ITFG1: variants seen among roughly 807,000 people sequenced by gnomAD.
ITFG1 encodes the protein T-cell immunomodulatory protein.
ITFG1 carries 34 observed loss-of-function variants against 81.8 expected under a neutral mutation model. The observed-to-expected ratio is 0.42, with a 90% CI of 0.32 to 0.55. ITFG1 has a LOEUF of 0.55. Among genes scored for constraint, ITFG1 ranks in the 20% least tolerant of loss-of-function variants. The pLI is 0.17. For missense variants in ITFG1, 672 were observed against 755.4 expected (o/e 0.89, Z 1.29); for synonymous variants, 285 against 270.6 (o/e 1.05, Z -0.52).
chr16:47,284,241 T>C (rs1403917916), intron 10 of ITFG1, among the ~76,000 whole-genome samples: 1 of 152,174 alleles, frequency 6.6e-6, no homozygotes, highest in African/African-American at 2.4e-5. Flanking sequence ...ATATGTGTAT[T>C]TACCTCCACA....
chr16:47,251,594 C>T (rs1450458728), intron 12 of ITFG1, among the ~76,000 whole-genome samples: 1 of 152,166 alleles, frequency 6.6e-6, no homozygotes, highest in Non-Finnish European at 1.5e-5. Context: ...TGCACAGGAA[C>T]AGGAGGGAAT....
chr16:47,193,775 T>A (rs576007655), intron 14 of ITFG1, among the ~76,000 whole-genome samples: 88 of 152,332 alleles, frequency 5.8e-4, no homozygotes, highest in Middle Eastern at 3.4e-3. Flanking sequence ...TGAATATACA[T>A]AATTAAGTTA....
At chr16:47,388,157 A>C (rs1968486017) in intron 6 of ITFG1, among the ~76,000 whole-genome samples, 1 of 152,148 alleles carries the variant, frequency 6.6e-6, no homozygotes, top group South Asian at 2.1e-4. Context: ...AACAGAGAGA[A>C]AAAAAGGATA....
At chr16:47,261,443 C>T (rs1169469760) in intron 10 of ITFG1, among the ~76,000 whole-genome samples, 1 of 152,156 alleles carries the variant, frequency 6.6e-6, no homozygotes, top group African/African-American at 2.4e-5. Flanking sequence ...CCAGTTAGTA[C>T]TCAATGAAAG....
At chr16:47,422,895 A>G (rs1159028636) in intron 6 of ITFG1, among the ~76,000 whole-genome samples, 1 of 152,234 alleles carries the variant, frequency 6.6e-6, no homozygotes, top group Non-Finnish European at 1.5e-5. Flanking sequence ...AAGAATGTAT[A>G]TTCTGTTGAT....
intron 6 of ITFG1, among the ~76,000 whole-genome samples, chr16:47,391,016 G>A (rs1054018736): frequency 6.6e-6 from 1 of 151,984 alleles, no homozygotes; most frequent in African/African-American, 2.4e-5. Context: ...TAAAGTCCAT[G>A]GGAATCCCGA....
At chr16:47,323,726 CT>C (rs1465215097) in intron 8 of ITFG1, among the ~76,000 whole-genome samples, 1 of 152,066 alleles carries the variant, frequency 6.6e-6, no homozygotes, top group Admixed American at 6.6e-5. Flanking sequence ...TAAAAGCTGA[CT>C]ATCTCAGTGA....
chr16:47,350,915 C>A lies in ITFG1; in HGVS notation c.802+14873G>T, dbSNP rs533336655. 4.6e-5 allele frequency among the ~76,000 whole-genome samples: 7 copies of A among 152,228 alleles called. No homozygotes were observed. In the South Asian group the frequency reaches 1.5e-3, roughly 32 times the overall value. On this transcript the variant is annotated intron_variant, in intron 8 of 17. Coordinates refer to ENST00000320640, the MANE Select transcript of ITFG1 (RefSeq NM_030790.5). ...GGATGGAAGGCTGGTTCAACATATG[C>A]AAATCAATAAACATAACCCAGCATA...
intron 8 of ITFG1, among the ~76,000 whole-genome samples, chr16:47,332,196 TAATAAA>T (rs1376885562): frequency 6.6e-6 from 1 of 151,092 alleles, no homozygotes; most frequent in African/African-American, 2.4e-5. Context: ...AGTATAATAA[TAATAAA>T]ATAAAATAAA....
At chr16:47,184,302 G>C (rs1383308344) in intron 14 of ITFG1, among the ~76,000 whole-genome samples, 1 of 152,120 alleles carries the variant, frequency 6.6e-6, no homozygotes, top group Non-Finnish European at 1.5e-5. Flanking sequence ...TCCTCGAGAA[G>C]AGCAACTCCA....
chr16:47,168,862 G>C (rs964949611), intron 14 of ITFG1, among the ~76,000 whole-genome samples: 4 of 151,928 alleles, frequency 2.6e-5, no homozygotes, highest in Non-Finnish European at 4.4e-5. Flanking sequence ...CCCTTACATT[G>C]AGGTCCTTGA....
chr16:47,165,951 GA>G (rs1373198904), intron 14 of ITFG1, among the ~76,000 whole-genome samples: 5 of 152,174 alleles, frequency 3.3e-5, no homozygotes, highest in Non-Finnish European at 7.3e-5. Flanking sequence ...AACTCTAACT[GA>G]TGGACCCTCC....
At chr16:47,263,436 G>A (rs1367027031) in intron 10 of ITFG1, 6 of 412,796 alleles carry the variant, frequency 1.5e-5, no homozygotes, top group Admixed American at 2.7e-5. Flanking sequence ...CAGGAGGATG[G>A]CTGGATCCAA....
intron 10 of ITFG1, among the ~76,000 whole-genome samples, chr16:47,289,044 TGA>T (rs1330264382): frequency 1.3e-5 from 2 of 152,192 alleles, no homozygotes; most frequent in Admixed American, 6.5e-5. Flanking sequence ...CCTAAATTAT[TGA>T]GAGTTTTTAC....
chr16:47,380,735 T>C (rs1030282622), intron 6 of ITFG1, among the ~76,000 whole-genome samples: 1 of 152,180 alleles, frequency 6.6e-6, no homozygotes, highest in African/African-American at 2.4e-5. Context: ...ACAGGAACCA[T>C]ATATATTTTG....
intron 12 of ITFG1, among the ~76,000 whole-genome samples, chr16:47,240,085 A>G (rs1028563212): frequency 6.6e-6 from 1 of 150,980 alleles, no homozygotes; most frequent in African/African-American, 2.4e-5. Flanking sequence ...TGAGCTCAGG[A>G]GTTTGAGACC....
chr16:47,220,640 A>G (rs1380910888), intron 13 of ITFG1, among the ~76,000 whole-genome samples: 1 of 152,248 alleles, frequency 6.6e-6, no homozygotes, highest in East Asian at 1.9e-4. Flanking sequence ...AATATCATAC[A>G]ATAAAATGTG....
At chr16:47,414,265 T>C (rs1266917743) in intron 6 of ITFG1, among the ~76,000 whole-genome samples, 1 of 151,996 alleles carries the variant, frequency 6.6e-6, no homozygotes, top group East Asian at 1.9e-4. Flanking sequence ...CTATTTTTTT[T>C]TTTTTATCCC....
chr16:47,419,302 TCTGTC>T (rs1968912009), intron 6 of ITFG1, among the ~76,000 whole-genome samples: 1 of 152,066 alleles, frequency 6.6e-6, no homozygotes, highest in South Asian at 2.1e-4. Context: ...AGGGTCTCAC[TCTGTC>T]ACTCAGGCTA....
Sources: allele counts gnomAD v4.1 joint callset (sites outside exome capture counted in the v4.1 genomes callset), GRCh38; gene constraint gnomAD v4.1.1; transcripts MANE v1.5; gene names NCBI Gene and HGNC (gene_info 2026-07-23, HGNC 2026-07-21).